GARNL3: variants seen among roughly 807,000 people sequenced by gnomAD.
The protein encoded by GARNL3 is GTPase activating Rap/RanGAP domain like 3.
GARNL3 carries 63 observed loss-of-function variants against 125.0 expected under a neutral mutation model. That is an observed-to-expected ratio of 0.50 (90% CI 0.41 to 0.62). The LOEUF (loss-of-function observed/expected upper bound fraction) is 0.62, where lower values mean the gene tolerates loss of function less well. GARNL3 is among the 20% of genes least tolerant of loss of function. The pLI is 0.00. For missense variants in GARNL3, 994 were observed against 1,244.0 expected (o/e 0.80, Z 3.02); for synonymous variants, 439 against 457.5 (o/e 0.96, Z 0.52).
At chr9:127,260,993 C>T (rs1339845922), upstream of GARNL3, among the ~76,000 whole-genome samples, 2 of 152,190 alleles carry the variant, frequency 1.3e-5, no homozygotes, top group African/African-American at 4.8e-5. Flanking sequence ...CAGTGGCTCA[C>T]GCCCGTAATT....
At chr9:127,289,688 C>T (rs1236223155) in intron 1 of GARNL3, among the ~76,000 whole-genome samples, 1 of 152,208 alleles carries the variant, frequency 6.6e-6, no homozygotes, top group African/African-American at 2.4e-5. Flanking sequence ...CAGTGTGGCT[C>T]AGAGCCCCTA....
chr9:127,387,077 A>G, intron 24 of GARNL3, 116 bp from the exon 25 acceptor site: 1 of 1,120,196 alleles, frequency 8.9e-7, no homozygotes, highest in Middle Eastern at 2.9e-4. Context: ...CCCGCACTGC[A>G]CTGTATGCTC....
At chr9:127,341,640 T>C (rs1255718215) in intron 13 of GARNL3, among the ~76,000 whole-genome samples, 1 of 152,114 alleles carries the variant, frequency 6.6e-6, no homozygotes, top group Non-Finnish European at 1.5e-5. Context: ...GTAGGGGGCC[T>C]GTGGCAAGGA....
intron 2 of GARNL3, among the ~76,000 whole-genome samples, chr9:127,311,221 T>C (rs1208542536): frequency 6.6e-6 from 1 of 150,484 alleles, no homozygotes; most frequent in Non-Finnish European, 1.5e-5. Context: ...AAAATACGTA[T>C]GTATATGCAT....
chr9:127,240,404 G>C (rs888713223), intron 1 of GARNL3, among the ~76,000 whole-genome samples: 3 of 152,224 alleles, frequency 2.0e-5, no homozygotes, highest in South Asian at 4.2e-4. Flanking sequence ...CAGCTTGAAG[G>C]ATTCACTTGG....
chr9:127,360,520 G>A (rs536525245), intron 21 of GARNL3, among the ~76,000 whole-genome samples: 3 of 152,232 alleles, frequency 2.0e-5, no homozygotes, highest in East Asian at 3.9e-4. Context: ...CTGGGGAGAT[G>A]AGCCCTAAGA....
At chr9:127,342,387 CACAA>C in intron 14 of GARNL3, 53 bp downstream of exon 14, 8 of 1,175,282 alleles carry the variant, frequency 6.8e-6, no homozygotes, top group South Asian at 1.2e-5. Flanking sequence ...GAGTTGAGAA[CACAA>C]GTCCTCAACT....
At chr9:127,275,141 T>C (rs1287689357) in intron 1 of GARNL3, among the ~76,000 whole-genome samples, 1 of 152,230 alleles carries the variant, frequency 6.6e-6, no homozygotes, top group East Asian at 1.9e-4. Flanking sequence ...ATATATTTTG[T>C]TTTCTCAAAG....
intron 1 of GARNL3, among the ~76,000 whole-genome samples, chr9:127,290,206 A>G (rs1225515998): frequency 6.6e-6 from 1 of 152,242 alleles, no homozygotes; most frequent in East Asian, 1.9e-4. Context: ...TACTGTTTCT[A>G]TATTTATCGT....
intron 8 of GARNL3, 125 bp from the exon 9 acceptor site, chr9:127,332,897 AC>A: frequency 2.8e-6 from 2 of 712,282 alleles, no homozygotes; most frequent in East Asian, 5.0e-5. Flanking sequence ...AATGTGACTT[AC>A]CCATGCTGTT....
intron 19 of GARNL3, 96 bp from the exon 20 acceptor site, chr9:127,355,201 A>G (rs2131670206): frequency 2.1e-6 from 2 of 935,874 alleles, no homozygotes; most frequent in South Asian, 3.0e-5. Flanking sequence ...AGTTATGCTT[A>G]ATTTCCAGGG....
chr9:127,279,986 A>T (rs1001579465), intron 1 of GARNL3, among the ~76,000 whole-genome samples: 39 of 152,074 alleles, frequency 2.6e-4, no homozygotes, highest in African/African-American at 8.9e-4. Flanking sequence ...GTGAGATAGG[A>T]TATTCTCCTG....
intron 21 of GARNL3, among the ~76,000 whole-genome samples, chr9:127,357,820 TATA>T (rs1172092293): frequency 6.6e-6 from 1 of 151,736 alleles, no homozygotes; most frequent in Non-Finnish European, 1.5e-5. Flanking sequence ...AAAGGCTGAC[TATA>T]ATAACTAAAT....
At chr9:127,349,857 CG>C (rs1830333821) in intron 17 of GARNL3, among the ~76,000 whole-genome samples, 1 of 152,162 alleles carries the variant, frequency 6.6e-6, no homozygotes, top group African/African-American at 2.4e-5. Context: ...CTCTGGTTAC[CG>C]TAGTGACATT....
chr9:127,368,416 T>C (rs572574074), intron 22 of GARNL3, among the ~76,000 whole-genome samples: 1 of 151,202 alleles, frequency 6.6e-6, no homozygotes, highest in South Asian at 2.1e-4. Context: ...CTGCAACCTC[T>C]GCCTCCCAAG....
At chr9:127,332,678 A>G (rs1390321377) in intron 8 of GARNL3, among the ~76,000 whole-genome samples, 2 of 152,174 alleles carry the variant, frequency 1.3e-5, no homozygotes, top group Non-Finnish European at 2.9e-5. Flanking sequence ...GAATTATAAG[A>G]TGGCGTCATC....
At chr9:127,287,365 T>C (rs918781063) in intron 1 of GARNL3, among the ~76,000 whole-genome samples, 1 of 150,936 alleles carries the variant, frequency 6.6e-6, no homozygotes. Context: ...TGTAGATTTT[T>C]TATAGTTGTA....
At chr9:127,290,276 TC>T (rs1473014407) in intron 1 of GARNL3, among the ~76,000 whole-genome samples, 1 of 148,550 alleles carries the variant, frequency 6.7e-6, no homozygotes, top group African/African-American at 2.6e-5. Context: ...TTGCAGTTTT[TC>T]CCTAAATTTT....
Position 127,325,018 on chromosome 9 carries a change from G to T in GARNL3, c.568-51G>T, listed in dbSNP as rs78541448. 1.6e-3 allele frequency: 2,533 copies of T among 1,563,828 alleles called. 37 individuals are homozygous for T. The African/African-American group carries it at 0.029, about 18-fold the overall frequency. Reference sequence around the variant, plus strand: ...CTTGGCTTTCACAGCAAGTCAAAATGAAATAATTACTGTTATGCCTGGATG... The same window carrying T: ...CTTGGCTTTCACAGCAAGTCAAAATTAAATAATTACTGTTATGCCTGGATG... On this transcript the variant is annotated intron_variant, in intron 6 of 27. Transcript: ENST00000373387.
Sources: allele counts gnomAD v4.1 joint callset (sites outside exome capture counted in the v4.1 genomes callset), GRCh38; gene constraint gnomAD v4.1.1; transcripts MANE v1.5; gene names NCBI Gene and HGNC (gene_info 2026-07-23, HGNC 2026-07-21).